Variants in PAN3 observed in about 807,000 individuals in gnomAD.
PAN3 encodes the protein PAN2-PAN3 deadenylation complex subunit PAN3.
In PAN3, 19 loss-of-function variants were observed where a neutral mutation model predicts 96.2. That is an observed-to-expected ratio of 0.20 (90% confidence interval 0.14 to 0.29). The LOEUF (loss-of-function observed/expected upper bound fraction) is 0.29. Ranked by LOEUF, PAN3 falls within the 10% of genes least tolerant of loss-of-function variation. The probability of loss-of-function intolerance (pLI) is 1.00; values close to 1 mark genes in which losing one functional copy is unlikely to be tolerated. For missense variants in PAN3, 882 were observed against 1,108.1 expected, an observed-to-expected ratio of 0.80 and a Z score of 2.90; for synonymous variants, 433 against 406.6, an observed-to-expected ratio of 1.06 and a Z score of -0.78.
rs1886210677 is a variant in PAN3 at position 28,266,714 on chromosome 13, G to C, written c.1412-1G>C. ...AGTCATCTTCTTATGAATTACTCTA[G>C]CAGTTCCTACAGAGGTTGACAGCTA... On this transcript the variant is annotated splice_acceptor_variant, in intron 9 of 18. Coordinates refer to ENST00000380958, the MANE Select transcript of PAN3 (RefSeq NM_175854.8). LOFTEE classifies it high-confidence loss of function. 1 of 1,563,532 alleles carries C rather than the reference G, an allele frequency of 6.4e-7. No individual in the cohort carries two copies. Among genetic ancestry groups the C allele is most frequent in the African/African-American group, 1.4e-5 (1 of 72,770 alleles).
chr13:28,191,685 C>T (rs966550510), intron 4 of PAN3, among the ~76,000 whole-genome samples: 1 of 152,204 alleles, frequency 6.6e-6, no homozygotes. Context: ...ACCTTCCTTT[C>T]TAAAATACAA....
chr13:28,267,741 A>G (rs1886303327), intron 12 of PAN3, among the ~76,000 whole-genome samples: 1 of 152,196 alleles, frequency 6.6e-6, no homozygotes. Context: ...GTCAGATCTC[A>G]TGAGACCTAT....
intron 1 of PAN3, among the ~76,000 whole-genome samples, chr13:28,148,722 C>T (rs1239818126): frequency 2.6e-5 from 4 of 152,054 alleles, no homozygotes; most frequent in Admixed American, 2.6e-4. Context: ...CATTAACACA[C>T]ATATATACAC....
chr13:28,172,306 A>G (rs967594641), intron 1 of PAN3, among the ~76,000 whole-genome samples: 2 of 152,102 alleles, frequency 1.3e-5, no homozygotes, highest in African/African-American at 2.4e-5. Context: ...TATACAAAAA[A>G]TTAGCCGGGC....
intron 6 of PAN3, among the ~76,000 whole-genome samples, chr13:28,227,988 A>C (rs978419173): frequency 6.6e-6 from 1 of 152,234 alleles, no homozygotes; most frequent in South Asian, 2.1e-4. Context: ...GATCTGTTTC[A>C]TAGCTGAACG....
intron 6 of PAN3, among the ~76,000 whole-genome samples, chr13:28,233,786 C>A (rs1051639250): frequency 6.6e-6 from 1 of 152,090 alleles, no homozygotes; most frequent in Admixed American, 6.5e-5. Context: ...TATAGTCTTT[C>A]TAAAATCTAA....
intron 6 of PAN3, among the ~76,000 whole-genome samples, chr13:28,252,188 C>CTTT (rs10545190): frequency 9.8e-5 from 11 of 112,524 alleles, no homozygotes; most frequent in Admixed American, 2.8e-4. Flanking sequence ...GCGACGGGCC[C>CTTT]TTTTTTTTTT....
intron 5 of PAN3, 64 bp from the exon 6 acceptor site, chr13:28,220,167 A>G (rs1256251951): frequency 1.3e-6 from 2 of 1,483,958 alleles, no homozygotes; most frequent in Non-Finnish European, 1.9e-6. Flanking sequence ...GAATATGCCT[A>G]GTAGATTCAA....
chr13:28,143,132 G>A (rs1287363566), intron 1 of PAN3, among the ~76,000 whole-genome samples: 1 of 151,536 alleles, frequency 6.6e-6, no homozygotes, highest in East Asian at 1.9e-4. Flanking sequence ...TTTTTTTGAG[G>A]AGGGGGTTGG....
intron 6 of PAN3, among the ~76,000 whole-genome samples, chr13:28,236,218 G>A (rs185931197): frequency 5.9e-5 from 9 of 152,172 alleles, no homozygotes; most frequent in African/African-American, 9.6e-5. Flanking sequence ...TTTATTTCTC[G>A]ATATCTTCAA....
intron 12 of PAN3, among the ~76,000 whole-genome samples, chr13:28,269,844 A>G (rs1886464656): frequency 6.6e-6 from 1 of 152,210 alleles, no homozygotes; most frequent in African/African-American, 2.4e-5. Context: ...CCATAAGTAC[A>G]TATTTGCTAT....
chr13:28,167,079 T>C (rs1241975231), intron 1 of PAN3, among the ~76,000 whole-genome samples: 1 of 148,398 alleles, frequency 6.7e-6, no homozygotes, highest in Non-Finnish European at 1.5e-5. Flanking sequence ...ATTTTTTATC[T>C]TAATTTTTTT....
chr13:28,285,863 C>T (rs1593639032), intron 17 of PAN3, among the ~76,000 whole-genome samples: 1 of 151,942 alleles, frequency 6.6e-6, no homozygotes, highest in African/African-American at 2.4e-5. Context: ...TCTCTGAGGC[C>T]GTCAGTTAAT....
chr13:28,286,701 G>A (rs1869014216), intron 17 of PAN3, among the ~76,000 whole-genome samples: 1 of 152,074 alleles, frequency 6.6e-6, no homozygotes, highest in South Asian at 2.1e-4. Context: ...CTTTGTCCTT[G>A]TGTTTATACC....
At chr13:28,189,281 G>A (rs1343496512) in intron 4 of PAN3, among the ~76,000 whole-genome samples, 1 of 152,170 alleles carries the variant, frequency 6.6e-6, no homozygotes, top group African/African-American at 2.4e-5. Context: ...ACTTTGGGAG[G>A]CCACGCCGGG....
rs577470334 is a variant in PAN3, at chr13:28,284,501, A to G, written c.2384+3122A>G. The stretch of plus-strand genomic sequence containing the variant: ...AATCATAGTTAGAAAGCCTCTTTCT[A>G]CTCCAAGATTATGAAGGAACTATTT... On this transcript the variant is annotated intron_variant, in intron 17 of 18. Transcript: ENST00000380958. Among the ~76,000 whole-genome samples the G allele has an allele frequency of 3.5e-4, 53 of 150,676 alleles. No homozygotes were observed. In the Middle Eastern group the frequency reaches 0.01, roughly 29 times the overall value.
chr13:28,199,561 C>T (rs1878454359), intron 5 of PAN3, among the ~76,000 whole-genome samples: 1 of 152,028 alleles, frequency 6.6e-6, no homozygotes. Flanking sequence ...CTTTACCAGG[C>T]ACATGTTGAA....
intron 4 of PAN3, among the ~76,000 whole-genome samples, chr13:28,191,094 C>G (rs535502872): frequency 1.3e-5 from 2 of 152,178 alleles, no homozygotes; most frequent in Admixed American, 6.5e-5. Context: ...TTTCTAGAAG[C>G]TCGGAAGGGA....
chr13:28,196,902 A>G (rs576832338), intron 4 of PAN3, among the ~76,000 whole-genome samples: 1 of 152,312 alleles, frequency 6.6e-6, no homozygotes, highest in African/African-American at 2.4e-5. Context: ...ATTTCTATTC[A>G]TTAAGTAAAG....
Sources: gnomAD v4.1 joint callset for allele counts (sites outside exome capture counted in the v4.1 genomes callset) on GRCh38, gnomAD v4.1.1 for gene constraint, MANE v1.5 for transcripts, NCBI Gene and HGNC (gene_info 2026-07-23, HGNC 2026-07-21) for gene names.